The following RIC8B variants were observed in gnomAD, a reference collection of about 807,000 sequenced individuals.
The protein encoded by RIC8B is RIC8 guanine nucleotide exchange factor B.
Under a neutral mutation model 57.5 loss-of-function variants are expected in RIC8B, and 16 were observed. The observed-to-expected ratio is 0.28, with a 90% confidence interval of 0.19 to 0.42. The LOEUF is 0.42. Ranked by LOEUF, RIC8B falls within the 10% of genes least tolerant of loss-of-function variation. The probability of loss-of-function intolerance (pLI) is 1.00; values close to 1 mark genes in which losing one functional copy is unlikely to be tolerated. For synonymous variants in RIC8B, 216 were observed against 250.8 expected, an observed-to-expected ratio of 0.86 and a Z score of 1.31; for missense variants, 481 against 677.0, an observed-to-expected ratio of 0.71 and a Z score of 3.21.
chr12:106,846,512 C>G (rs975184822), intron 6 of RIC8B, among the ~76,000 whole-genome samples: 3 of 151,880 alleles, frequency 2.0e-5, no homozygotes, highest in African/African-American at 7.3e-5. Flanking sequence ...AGAGAAATAC[C>G]CAGAAAGCAT....
At chr12:106,823,789 A>G (rs1012419194) in intron 3 of RIC8B, among the ~76,000 whole-genome samples, 9 of 151,954 alleles carry the variant, frequency 5.9e-5, no homozygotes, top group African/African-American at 1.9e-4. Context: ...GGTTCAAGCA[A>G]TTCTCCTGCC....
Position 106,814,884 on chromosome 12 carries a change from A to T in RIC8B, c.321A>T (p.Lys107Asn). The T allele has an allele frequency of 6.2e-7, 1 of 1,614,182 alleles. No individual in the cohort carries two copies. The change falls in exon 3 of 10, where the codon AAA becomes AAT. Residue 107 changes from lysine to asparagine, a missense_variant. Physicochemically the swap from Lys to Asn is moderately conservative, Grantham distance 94 (BLOSUM62 0). This residue lies in a region of RIC8B where 421 missense variants were observed against 560.9 expected (regional missense o/e 0.75). Coordinates refer to ENST00000392837, the MANE Select transcript of RIC8B (RefSeq NM_001330145.2). Reference sequence around the variant, plus strand: ...ATGAGTTAGATGATTCTTTGGAGAAAGTATCAGAGTTCCCAGTTATTGTGG... The same window carrying T: ...ATGAGTTAGATGATTCTTTGGAGAATGTATCAGAGTTCCCAGTTATTGTGG... ...KLNELDDSLE[K>N]VSEFPVIVES...
intron 6 of RIC8B, among the ~76,000 whole-genome samples, chr12:106,850,021 C>T (rs534442243): frequency 1.5e-3 from 230 of 152,316 alleles, no homozygotes; most frequent in African/African-American, 5.1e-3. Context: ...GAGCAGCAGG[C>T]GAGCATTACT....
chr12:106,798,160 C>A (rs904136493), intron 2 of RIC8B: 3 of 545,274 alleles, frequency 5.5e-6, no homozygotes, highest in Non-Finnish European at 1.0e-5. Context: ...TTTTTGATGC[C>A]TCGGATTCAT....
At chr12:106,798,756 C>T (rs1321675062) in intron 2 of RIC8B, among the ~76,000 whole-genome samples, 1 of 152,072 alleles carries the variant, frequency 6.6e-6, no homozygotes, top group African/African-American at 2.4e-5. Flanking sequence ...TCTTTTTTGC[C>T]ACTTAGTCTT....
At chr12:106,815,390 G>C in intron 3 of RIC8B, 86 bp downstream of exon 3, 1 of 1,422,584 alleles carries the variant, frequency 7.0e-7, no homozygotes, top group South Asian at 1.4e-5. Context: ...AAGAATACAA[G>C]TTGGGAAATG....
At chr12:106,792,201 T>C (rs1453724707) in intron 2 of RIC8B, among the ~76,000 whole-genome samples, 1 of 152,240 alleles carries the variant, frequency 6.6e-6, no homozygotes, top group African/African-American at 2.4e-5. Flanking sequence ...GACTTAGGTC[T>C]GGGTTGTATC....
At chr12:106,842,313 A>G (rs1340075081) in intron 4 of RIC8B, among the ~76,000 whole-genome samples, 2 of 152,192 alleles carry the variant, frequency 1.3e-5, no homozygotes, top group African/African-American at 4.8e-5. Context: ...AAAGCTCACT[A>G]ATTCCTATTT....
intron 3 of RIC8B, chr12:106,822,219 C>T (rs1456813264): frequency 1.3e-5 from 2 of 151,440 alleles, no homozygotes; most frequent in Non-Finnish European, 1.5e-5. Context: ...AACATGCATA[C>T]TACAACCAAG....
Position 106,783,418 on chromosome 12 carries a change from GA to G in RIC8B, c.85-576del, listed in dbSNP as rs3837506. 2.0e-5 allele frequency among the ~76,000 whole-genome samples: 3 copies of G among 152,150 alleles called. No individual in the cohort carries two copies. In the East Asian group the frequency reaches 5.8e-4, roughly 29 times the overall value. ...CTTATTCTTATTGAATTACTTTTCT[GA>G]AATATCAAACCATCAAGTCTTCCCT... On this transcript the variant is annotated intron_variant, in intron 1 of 9. Coordinates refer to ENST00000392837, the MANE Select transcript of RIC8B (RefSeq NM_001330145.2).
chr12:106,790,582 T>TG (rs901991447), intron 2 of RIC8B, among the ~76,000 whole-genome samples: 69 of 152,260 alleles, frequency 4.5e-4, no homozygotes, highest in African/African-American at 1.5e-3. Flanking sequence ...TATGTAGGAT[T>TG]GGTGGGGAGG....
rs1400611059 is a variant in RIC8B, at chr12:106,782,602, C to T, written c.85-1395C>T. On this transcript the variant is annotated intron_variant, in intron 1 of 9. Coordinates refer to ENST00000392837, the MANE Select transcript of RIC8B (RefSeq NM_001330145.2). ...TAAATTTTAAAATCCATGCCCTTAC[C>T]ACCTGAGTTCATTCCTTTTAATTGT... Among the ~76,000 whole-genome samples, 6 of 152,326 alleles carry T rather than the reference C, an allele frequency of 3.9e-5. No homozygotes were observed. The South Asian group carries it at 1.2e-3, about 32-fold the overall frequency.
Position 106,813,801 on chromosome 12 carries a change from GTT to G in RIC8B, c.133-894_133-893del, listed in dbSNP as rs534994590. Among the ~76,000 whole-genome samples, 554 of 152,302 alleles carry G rather than the reference GTT, an allele frequency of 3.6e-3. 2 individuals carry two copies. Among genetic ancestry groups the G allele is most frequent in the African/African-American group, 0.013 (530 of 41,556 alleles). ...TACAGAAATGTTCGGTGATAGAGTA[GTT>G]ATACCTGCTTGCCTCACATATAAGG... On this transcript the variant is annotated intron_variant, in intron 2 of 9. Transcript: ENST00000392837.
chr12:106,883,725 A>C (rs1391909539), intron 9 of RIC8B, among the ~76,000 whole-genome samples: 1 of 151,254 alleles, frequency 6.6e-6, no homozygotes, highest in African/African-American at 2.4e-5. Flanking sequence ...GACCCCCCTA[A>C]TGACTTGTCT....
intron 2 of RIC8B, among the ~76,000 whole-genome samples, chr12:106,811,753 A>G (rs555559395): frequency 9.6e-4 from 146 of 152,334 alleles, no homozygotes; most frequent in African/African-American, 3.4e-3. Flanking sequence ...TTTCAGCAGC[A>G]TTCTGTGGGC....
intron 9 of RIC8B, among the ~76,000 whole-genome samples, chr12:106,883,722 CT>C (rs1267893622): frequency 2.6e-5 from 4 of 152,086 alleles, no homozygotes; most frequent in Non-Finnish European, 2.9e-5. Context: ...GATGACCCCC[CT>C]AATGACTTGT....
At chr12:106,832,566 GAAAA>G (rs5800719) in intron 4 of RIC8B, among the ~76,000 whole-genome samples, 1 of 143,346 alleles carries the variant, frequency 7.0e-6, no homozygotes, top group Non-Finnish European at 1.5e-5. Flanking sequence ...GACTCTGTAT[GAAAA>G]AAAAAAAAAA....
intron 4 of RIC8B, among the ~76,000 whole-genome samples, chr12:106,831,669 C>G (rs1853786916): frequency 6.6e-6 from 1 of 152,182 alleles, no homozygotes; most frequent in Admixed American, 6.5e-5. Context: ...GACTTCAGGG[C>G]AGAATATCAT....
At chr12:106,876,776 A>C (rs962725483) in intron 9 of RIC8B, among the ~76,000 whole-genome samples, 3 of 152,090 alleles carry the variant, frequency 2.0e-5, no homozygotes, top group Non-Finnish European at 4.4e-5. Flanking sequence ...AATCATCTCC[A>C]CTGGCTGTTT....
Sources: allele counts gnomAD v4.1 joint callset (sites outside exome capture counted in the v4.1 genomes callset), GRCh38; gene constraint gnomAD v4.1.1; regional missense constraint gnomAD v4.1.1; transcripts MANE v1.5; gene names NCBI Gene and HGNC (gene_info 2026-07-23, HGNC 2026-07-21).